Variants in GPATCH2L observed in about 807,000 individuals in gnomAD.
GPATCH2L encodes G-patch domain containing 2 like.
GPATCH2L carries 31 observed loss-of-function variants against 57.4 expected under a neutral mutation model. The ratio of observed to expected loss-of-function variants is 0.54; its 90% confidence interval spans 0.41 to 0.73. The LOEUF is 0.73. GPATCH2L is among the 30% of genes least tolerant of loss of function. GPATCH2L has a pLI of 0.00. For missense variants in GPATCH2L, 481 were observed against 599.9 expected (o/e 0.80, Z 2.07); for synonymous variants, 199 against 210.7 (o/e 0.94, Z 0.48).
At chr14:76,167,717 T>C (rs2038909129) in intron 3 of GPATCH2L, among the ~76,000 whole-genome samples, 2 of 152,216 alleles carry the variant, frequency 1.3e-5, no homozygotes, top group Admixed American at 1.3e-4. Flanking sequence ...ATCTTTTAGA[T>C]TCTGAGGGAA....
In GPATCH2L at chr14:76,201,986, A is replaced by C; in HGVS notation, c.*135A>C. On this transcript the variant is annotated 3_prime_UTR_variant, in exon 10 of 10. Coordinates refer to ENST00000261530, the MANE Select transcript of GPATCH2L (RefSeq NM_017926.4). ...ACCAGAACCAACTCCTCTTTCAAAC[A>C]CAGCAGTGGATTCTTTCTCTCAGAA... The C allele has an allele frequency of 3.2e-6, 2 of 634,644 alleles. No individual in the cohort carries two copies. The highest frequency in any genetic ancestry group is 5.3e-6 in the Non-Finnish European group (2 of 374,294). The allele number at this position is 634,644 out of a possible 1,614,324, so 39.3% of individuals were successfully genotyped here. A position where few individuals can be genotyped will look rare whatever the true frequency, so the allele number is the denominator to read the frequency against.
At chr14:76,173,482 A>G (rs1474972281) in intron 4 of GPATCH2L, 64 bp from the exon 5 acceptor site, 8 of 1,025,702 alleles carry the variant, frequency 7.8e-6, no homozygotes, top group African/African-American at 1.6e-5. Flanking sequence ...TCAGTGTACT[A>G]GAAACATAGG....
intron 2 of GPATCH2L, chr14:76,230,326 T>C (rs1219665729): frequency 1.3e-5 from 2 of 152,182 alleles, no homozygotes; most frequent in South Asian, 4.1e-4. Flanking sequence ...CTTTGTTTTC[T>C]AGGTGCTCAG....
downstream of GPATCH2L, among the ~76,000 whole-genome samples, chr14:76,215,613 G>A (rs866225565): frequency 2.0e-4 from 31 of 151,834 alleles, no homozygotes; most frequent in South Asian, 4.2e-4. Context: ...CATGTCCTTT[G>A]TAGGGACATG....
intron 2 of GPATCH2L, among the ~76,000 whole-genome samples, chr14:76,235,097 G>A (rs1268360610): frequency 3.3e-5 from 5 of 151,826 alleles, no homozygotes; most frequent in Admixed American, 2.0e-4. Flanking sequence ...GAACCCAGGA[G>A]GCGGAGGTTG....
chr14:76,183,373 G>A (rs539918537), intron 8 of GPATCH2L, among the ~76,000 whole-genome samples: 8 of 152,322 alleles, frequency 5.3e-5, no homozygotes, highest in Admixed American at 1.3e-4. Flanking sequence ...ACTTCTAGAC[G>A]TCATACCCAG....
At chr14:76,165,579 C>T (rs933220671) in intron 2 of GPATCH2L, among the ~76,000 whole-genome samples, 2 of 151,380 alleles carry the variant, frequency 1.3e-5, no homozygotes, top group African/African-American at 4.9e-5. Flanking sequence ...TGCATGTATC[C>T]CAGAACTTAA....
chr14:76,159,883 G>A (rs570806271), intron 2 of GPATCH2L, among the ~76,000 whole-genome samples: 8 of 152,148 alleles, frequency 5.3e-5, no homozygotes, highest in East Asian at 3.9e-4. Flanking sequence ...CTGTAATCCC[G>A]GCACTTTGGG....
chr14:76,174,033 A>AT (rs1180666059), intron 5 of GPATCH2L: 1 of 192,402 alleles, frequency 5.2e-6, no homozygotes. Flanking sequence ...CCTAGAATTC[A>AT]TTAAAAAAAA....
intron 3 of GPATCH2L, among the ~76,000 whole-genome samples, chr14:76,169,648 A>G (rs564074533): frequency 6.6e-6 from 1 of 152,160 alleles, no homozygotes; most frequent in South Asian, 2.1e-4. Context: ...CCCTTTTTGT[A>G]TTATTAAAAA....
chr14:76,173,439 G>T, intron 4 of GPATCH2L, 107 bp from the exon 5 acceptor site: 1 of 662,828 alleles, frequency 1.5e-6, no homozygotes, highest in Non-Finnish European at 2.7e-6. Context: ...CTAGTTTAAA[G>T]GTCAATCTAT....
chr14:76,219,005 C>CA (rs572896740), downstream of GPATCH2L, among the ~76,000 whole-genome samples: 10,503 of 73,744 alleles, frequency 0.14, 572 homozygotes, highest in African/African-American at 0.24. Context: ...TCTAAAAGTA[C>CA]AAAAAAAAAA....
At chr14:76,155,046 T>C (rs376441981) in intron 2 of GPATCH2L, 21 bp downstream of exon 2, 145 of 1,581,212 alleles carry the variant, frequency 9.2e-5, no homozygotes, top group Non-Finnish European at 6.6e-5. Flanking sequence ...CCTTACTAAG[T>C]CAAAGATTTT....
chr14:76,204,809 G>A lies in GPATCH2L; in HGVS notation c.*2958G>A, dbSNP rs2040356564. On this transcript the variant is annotated 3_prime_UTR_variant, in exon 10 of 10. Coordinates refer to ENST00000261530, the MANE Select transcript of GPATCH2L (RefSeq NM_017926.4). ...AATGGCCTGTCTGAATCCTAGTTTA[G>A]TGTGTTTTCCACGATGGGCAGAAGT... The A allele has an allele frequency of 6.6e-6, 1 of 152,164 alleles. No homozygotes were observed. The highest frequency in any genetic ancestry group is 2.4e-5 in the African/African-American group (1 of 41,434). 9.4% of individuals were successfully genotyped at this position (152,164 alleles called of 1,614,324 possible). A position where few individuals can be genotyped will look rare whatever the true frequency, so the allele number is the denominator to read the frequency against.
At chr14:76,191,845 A>G (rs1336142106) in intron 8 of GPATCH2L, among the ~76,000 whole-genome samples, 1 of 152,090 alleles carries the variant, frequency 6.6e-6, no homozygotes, top group East Asian at 1.9e-4. Flanking sequence ...ATTGTTAACT[A>G]TAGTCACCTT....
chr14:76,162,375 G>A (rs1412959882), intron 2 of GPATCH2L, among the ~76,000 whole-genome samples: 1 of 152,188 alleles, frequency 6.6e-6, no homozygotes, highest in African/African-American at 2.4e-5. Context: ...GGGGTGGGGA[G>A]AGTCAGAAAG....
chr14:76,173,655 G>C, intron 5 of GPATCH2L, 30 bp downstream of exon 5: 1 of 1,325,038 alleles, frequency 7.5e-7, no homozygotes, highest in South Asian at 1.2e-5. Flanking sequence ...GCTTGGCTCA[G>C]TGGGGAGATA....
intron 2 of GPATCH2L, among the ~76,000 whole-genome samples, chr14:76,159,325 T>C (rs904224931): frequency 7.9e-5 from 12 of 152,352 alleles, no homozygotes; most frequent in Admixed American, 6.5e-4. Context: ...ATTCATTCTT[T>C]CTCTCAACTT....
chr14:76,217,096 A>G (rs538789368), downstream of GPATCH2L, among the ~76,000 whole-genome samples: 41 of 151,620 alleles, frequency 2.7e-4, no homozygotes, highest in Non-Finnish European at 4.0e-4. Flanking sequence ...CAACTACTGG[A>G]AAAAAAAAGA....
Sources: allele counts gnomAD v4.1 joint callset (sites outside exome capture counted in the v4.1 genomes callset), GRCh38; gene constraint gnomAD v4.1.1; transcripts MANE v1.5; gene names NCBI Gene and HGNC (gene_info 2026-07-23, HGNC 2026-07-21).